CHODL: variants seen among roughly 807,000 people sequenced by gnomAD.
CHODL encodes the protein transmembrane protein MT75.
In CHODL, 29 loss-of-function variants were observed where a neutral mutation model predicts 34.5. The observed-to-expected ratio is 0.84, with a 90% CI of 0.63 to 1.15. CHODL has a LOEUF of 1.15. CHODL is among the 50% of genes most tolerant of loss of function. CHODL has a pLI of 0.00. For synonymous variants in CHODL, 125 were observed against 116.1 expected (o/e 1.08, Z -0.49); for missense variants, 332 against 332.5 (o/e 1.00, Z 0.01).
intron 1 of CHODL, among the ~76,000 whole-genome samples, chr21:18,255,373 T>G (rs926825290): frequency 6.6e-6 from 1 of 152,102 alleles, no homozygotes; most frequent in Non-Finnish European, 1.5e-5. Flanking sequence ...TTCAAACTCA[T>G]AAACGAATGA....
rs556746469 is a variant in CHODL, at chr21:18,038,328, A to T, written c.-45+10357A>T. On this transcript the variant is annotated intron_variant, in intron 2 of 6. Transcript: ENST00000400127. ...TTCCACATGTAAATCAAACAAAAGT[A>T]GACAATAAATTAACCTCAGGCATTT... Among the ~76,000 whole-genome samples, 5 of 151,852 alleles carry T rather than the reference A, an allele frequency of 3.3e-5. No individual in the cohort carries two copies. The South Asian group carries it at 8.3e-4, about 25-fold the overall frequency.
chr21:18,265,844 GA>G, intron 5 of CHODL, 109 bp from the exon 6 acceptor site: 2 of 762,868 alleles, frequency 2.6e-6, no homozygotes, highest in Non-Finnish European at 4.1e-6. Context: ...ATACTGCTGA[GA>G]GGGGGAGTCT....
chr21:17,947,029 T>C (rs2063415404), intron 1 of CHODL, among the ~76,000 whole-genome samples: 1 of 152,198 alleles, frequency 6.6e-6, no homozygotes, highest in African/African-American at 2.4e-5. Context: ...TTACAGATTT[T>C]TGCTATGTTG....
chr21:17,978,439 C>T (rs1194867067), intron 1 of CHODL, among the ~76,000 whole-genome samples: 1 of 147,848 alleles, frequency 6.8e-6, no homozygotes, highest in East Asian at 2.0e-4. Flanking sequence ...AAAAAAAAGG[C>T]CGGGCGCGGT....
rs370777811 is a variant in CHODL, at chr21:18,100,676, T to C, written c.-45+72705T>C. ...GGGTAGAAATTATTTAACATTTTAATTTTGTGCATGTATTGATTTGATAGG... is the reference window on the plus strand; with the variant it reads ...GGGTAGAAATTATTTAACATTTTAACTTTGTGCATGTATTGATTTGATAGG... On this transcript the variant is annotated intron_variant, in intron 2 of 6. Coordinates refer to the CHODL transcript ENST00000400127. 5.9e-5 allele frequency among the ~76,000 whole-genome samples: 9 copies of C among 152,280 alleles called. 1 individual carries two copies. The highest frequency in any genetic ancestry group is 1.3e-4 in the Admixed American group (2 of 15,278).
chr21:18,258,701 C>T (rs2074346008), intron 3 of CHODL, among the ~76,000 whole-genome samples: 1 of 151,918 alleles, frequency 6.6e-6, no homozygotes, highest in African/African-American at 2.4e-5. Context: ...TGTTTTGAAG[C>T]ACATTCACGG....
chr21:18,232,942 G>GATATATATATATATATATATATATAT (rs371388519), intron 2 of CHODL, among the ~76,000 whole-genome samples: 20 of 119,392 alleles, frequency 1.7e-4, no homozygotes, highest in African/African-American at 7.0e-4. Flanking sequence ...ATGATGTTAT[G>GATATATATATATATATATATATATAT]ATATATATAT....
At chr21:18,131,059 G>T (rs2072647845) in intron 2 of CHODL, among the ~76,000 whole-genome samples, 1 of 152,048 alleles carries the variant, frequency 6.6e-6, no homozygotes. Flanking sequence ...CCTTTTCTTG[G>T]CTTGCAAATG....
chr21:18,071,548 T>C (rs1489035816), intron 2 of CHODL, among the ~76,000 whole-genome samples: 1 of 152,012 alleles, frequency 6.6e-6, no homozygotes, highest in African/African-American at 2.4e-5. Context: ...AATTATTTCA[T>C]TTCTACCCTC....
intron 2 of CHODL, among the ~76,000 whole-genome samples, chr21:18,225,222 A>G (rs748582750): frequency 2.6e-5 from 4 of 152,160 alleles, no homozygotes; most frequent in Non-Finnish European, 5.9e-5. Context: ...TAAGGATGCA[A>G]TTGTTAAGAG....
intron 2 of CHODL, among the ~76,000 whole-genome samples, chr21:18,106,483 TTTTTTC>T (rs1293807470): frequency 5.1e-5 from 7 of 136,070 alleles, no homozygotes; most frequent in African/African-American, 1.0e-4. Context: ...TTCTTTTTTC[TTTTTTC>T]TTTTTCTTTT....
chr21:18,109,140 T>C (rs990157940), intron 2 of CHODL, among the ~76,000 whole-genome samples: 4 of 152,172 alleles, frequency 2.6e-5, no homozygotes, highest in African/African-American at 7.2e-5. Flanking sequence ...TAAAGTTATA[T>C]GTGAATCTTG....
intron 1 of CHODL, among the ~76,000 whole-genome samples, chr21:18,002,384 T>A (rs1505265): frequency 0.34 from 51,042 of 152,066 alleles, 9,534 homozygotes; most frequent in African/African-American, 0.51. Flanking sequence ...TTCCTTCCAT[T>A]TTCTCTTAGT....
intron 1 of CHODL, among the ~76,000 whole-genome samples, chr21:18,017,525 G>C (rs139398387): frequency 1.3e-5 from 2 of 152,200 alleles, no homozygotes; most frequent in Admixed American, 1.3e-4. Context: ...CATAAGCCTT[G>C]GTGGCTTCTG....
At chr21:18,088,515 G>T (rs1173416556) in intron 2 of CHODL, among the ~76,000 whole-genome samples, 1 of 152,114 alleles carries the variant, frequency 6.6e-6, no homozygotes, top group Admixed American at 6.5e-5. Context: ...GACCCAGTGG[G>T]TCAAGGGTTT....
intron 2 of CHODL, among the ~76,000 whole-genome samples, chr21:18,088,440 A>G (rs1277571439): frequency 6.6e-6 from 1 of 151,966 alleles, no homozygotes; most frequent in African/African-American, 2.4e-5. Flanking sequence ...TGCCCATGGG[A>G]TTCTCTGTGG....
rs186744825 is a variant in CHODL, at chr21:18,070,918, C to G, written c.-45+42947C>G. Among the ~76,000 whole-genome samples, 359 of 151,318 alleles carry G rather than the reference C, an allele frequency of 2.4e-3. 2 individuals carry two copies. Among genetic ancestry groups the G allele is most frequent in the African/African-American group, 8.5e-3 (349 of 41,194 alleles). On this transcript the variant is annotated intron_variant, in intron 2 of 6. Transcript: ENST00000400127. ...TTTTTTTGTTTACTCCAATTATGTT[C>G]TCTTCCTGCATTACTCAGTTCAGTA...
chr21:18,057,635 A>C (rs995711568), intron 2 of CHODL, among the ~76,000 whole-genome samples: 4 of 151,616 alleles, frequency 2.6e-5, no homozygotes, highest in Admixed American at 6.6e-5. Flanking sequence ...GCCCTAAAAA[A>C]CCCCCTGTGC....
intron 2 of CHODL, among the ~76,000 whole-genome samples, chr21:18,072,619 G>A (rs2064819227): frequency 6.6e-6 from 1 of 152,010 alleles, no homozygotes; most frequent in African/African-American, 2.4e-5. Flanking sequence ...TTGTGTATGT[G>A]TAGTAACAAT....
Sources: gnomAD v4.1 joint callset for allele counts (sites outside exome capture counted in the v4.1 genomes callset) on GRCh38, gnomAD v4.1.1 for gene constraint, MANE v1.5 for transcripts, NCBI Gene and HGNC (gene_info 2026-07-23, HGNC 2026-07-21) for gene names.